The following BRSK2 variants were observed in gnomAD, a reference collection of about 807,000 sequenced individuals.
BRSK2 encodes BR serine/threonine kinase 2.
Under a neutral mutation model 83.3 loss-of-function variants are expected in BRSK2, and 19 were observed. The ratio of observed to expected loss-of-function variants is 0.23; its 90% CI spans 0.16 to 0.33. The LOEUF (loss-of-function observed/expected upper bound fraction) is 0.33. BRSK2 is among the 10% of genes least tolerant of loss of function. The pLI, the probability that BRSK2 is intolerant of heterozygous loss-of-function variation, is 1.00. For synonymous variants in BRSK2, 519 were observed against 435.4 expected (o/e 1.19, Z -2.39); for missense variants, 798 against 1,042.3 (o/e 0.77, Z 3.23).
chr11:1,447,668 C>T (rs1852336062), intron 12 of BRSK2: 1 of 833,024 alleles, frequency 1.2e-6, no homozygotes, highest in South Asian at 1.5e-5. Context: ...AGCCTCCTCT[C>T]TCGCCATCTT....
rs761826470 is a variant in BRSK2, at chr11:1,449,742, G to T, written c.1227-34G>T. ...GCACCTGCTGCTCCACTGCCCCCTG[G>T]CTGAGCAGTGGCCCTGTACCTTGTG... On this transcript the variant is annotated intron_variant, in intron 12 of 19. Transcript: ENST00000528841. 6 of 1,592,614 alleles carry T rather than the reference G, an allele frequency of 3.8e-6. No homozygotes were observed. The Admixed American group carries it at 8.4e-5, about 22-fold the overall frequency.
intron 18 of BRSK2, among the ~76,000 whole-genome samples, chr11:1,457,574 G>C (rs1846760141): frequency 6.6e-6 from 1 of 152,180 alleles, no homozygotes; most frequent in Non-Finnish European, 1.5e-5. Context: ...CAGCAAGGGG[G>C]TGTGGGTGTG....
chr11:1,408,198 A>G (rs1159521948), intron 1 of BRSK2, among the ~76,000 whole-genome samples: 1 of 152,188 alleles, frequency 6.6e-6, no homozygotes. Flanking sequence ...CCTAGAGCCC[A>G]CAGTTCCACT....
chr11:1,428,773 T>C (rs1368928875), intron 1 of BRSK2, among the ~76,000 whole-genome samples: 2 of 152,178 alleles, frequency 1.3e-5, no homozygotes, highest in East Asian at 1.9e-4. Flanking sequence ...CGAGTGTGTG[T>C]GCACTGCGGG....
chr11:1,450,247 A>C (rs1157248944), intron 13 of BRSK2, among the ~76,000 whole-genome samples: 23 of 120,224 alleles, frequency 1.9e-4, no homozygotes, highest in Admixed American at 3.2e-4. Context: ...TCCTGCCCCC[A>C]CCGCCCCCCG....
chr11:1,449,645 A>G (rs1295729890), intron 12 of BRSK2, 131 bp from the exon 13 acceptor site: 1 of 719,552 alleles, frequency 1.4e-6, no homozygotes, highest in Non-Finnish European at 2.3e-6. Flanking sequence ...GTGCAGCAGG[A>G]CCCAGGGCCT....
chr11:1,450,692 C>A lies in BRSK2; in HGVS notation c.1393C>A (p.Pro465Thr), dbSNP rs1454270702. Reference sequence around the variant, plus strand: ...GGCTGGCACGCCCAACCCCACGCCCCCGTCCAGCCCCAGCGTCGGAGGGGT... The same window carrying A: ...GGCTGGCACGCCCAACCCCACGCCCACGTCCAGCCCCAGCGTCGGAGGGGT... Reference protein sequence around the residue: ...SPAGTPNPTPPSSPSVGGVPW... With the variant: ...SPAGTPNPTPTSSPSVGGVPW... The change falls in exon 14 of 20, where the codon CCG becomes ACG. Residue 465 changes from proline to threonine, a missense_variant. By Grantham distance (38) the Pro-to-Thr change is conservative. Transcript: ENST00000528841. The A allele has an allele frequency of 3.7e-6, 6 of 1,608,874 alleles. No homozygotes were observed. The highest frequency in any genetic ancestry group is 5.1e-6 in the Non-Finnish European group (6 of 1,178,608).
At chr11:1,415,440 C>G (rs1482029130) in intron 1 of BRSK2, among the ~76,000 whole-genome samples, 1 of 152,028 alleles carries the variant, frequency 6.6e-6, no homozygotes, top group Non-Finnish European at 1.5e-5. Flanking sequence ...TTTTCTGAGA[C>G]AGGGTCTCAC....
Position 1,454,542 on chromosome 11 carries a change from C to T in BRSK2, c.1602C>T (p.Ile534=). ...TCAGCCTGGAGAAGGAGGAGCAGAT[C>T]TTCGTGGTCATCAAAGACAAACCTC... ...NFISLEKEEQ[I]FVVIKDKPLS... is the part of the protein sequence containing the mutation. The change falls in exon 16 of 20, where the codon ATC becomes ATT. Residue 534 remains isoleucine, a synonymous_variant. Coordinates refer to ENST00000528841, the MANE Select transcript of BRSK2 (RefSeq NM_001256627.2). The surrounding 1 kb of genome is among the most constrained non-coding windows in gnomAD (Gnocchi z 5.2). 6.2e-7 allele frequency: 1 copy of T among 1,613,288 alleles called. No homozygotes were observed.
intron 4 of BRSK2, 125 bp from the exon 5 acceptor site, chr11:1,442,365 G>A: frequency 1.5e-6 from 1 of 675,286 alleles, no homozygotes; most frequent in Middle Eastern, 2.9e-4. Flanking sequence ...AGGCTGGGCT[G>A]CTATTGGCCC....
Position 1,460,562 on chromosome 11 carries a change from C to G in BRSK2, c.2050C>G (p.Gln684Glu). ...KQLFSDEKNG[Q>E]AAQAPSTPAK... ...ACTTTTTTCAGACGAGAAGAACGGG[C>G]AGGCGGCCCAGGCCCCCAGCACGCC... Residue 684 changes from glutamine (Q) to glutamate (E), a missense_variant, in exon 20 of 20, where the codon CAG becomes GAG. Transcript: ENST00000528841. The G allele has an allele frequency of 1.3e-6, 2 of 1,531,370 alleles. No individual in the cohort carries two copies. Among genetic ancestry groups the G allele is most frequent in the Non-Finnish European group, 1.7e-6 (2 of 1,144,850 alleles). The allele number at this position is 1,531,370 out of a possible 1,614,324, so 94.9% of individuals were successfully genotyped here. A position where few individuals can be genotyped will look rare whatever the true frequency, so the allele number is the denominator to read the frequency against.
chr11:1,453,813 G>A (rs1846106504), intron 15 of BRSK2: 1 of 152,322 alleles, frequency 6.6e-6, no homozygotes, highest in Non-Finnish European at 1.5e-5. Context: ...AGCAACGGCA[G>A]GGGACGCCAG....
intron 12 of BRSK2, among the ~76,000 whole-genome samples, chr11:1,449,211 G>A (rs1845496188): frequency 6.6e-6 from 1 of 152,176 alleles, no homozygotes; most frequent in African/African-American, 2.4e-5. Flanking sequence ...TAGGGCAGTG[G>A]TGGGACAAGG....
chr11:1,451,264 T>C (rs1209972137), intron 14 of BRSK2, 107 bp from the exon 15 acceptor site: 7 of 1,302,384 alleles, frequency 5.4e-6, no homozygotes, highest in Admixed American at 1.7e-5. Context: ...TGTCCCAGTG[T>C]GTGTGGGTGG....
chr11:1,458,483 T>C (rs1011275960), intron 18 of BRSK2, among the ~76,000 whole-genome samples: 1 of 151,996 alleles, frequency 6.6e-6, no homozygotes, highest in Non-Finnish European at 1.5e-5. Context: ...CTGGATGCTT[T>C]TGTCCAGTGA....
Position 1,438,490 on chromosome 11 carries a change from CA to C in BRSK2, c.272+100del. Reference sequence around the variant, plus strand: ...CTTGGGGAGCACAGGGGCTGGAGGCCAGGGGCGCCTGCTGCATCCCAGCAGC... The same window carrying C: ...CTTGGGGAGCACAGGGGCTGGAGGCCGGGGCGCCTGCTGCATCCCAGCAGC... On this transcript the variant is annotated intron_variant, in intron 3 of 19. Transcript: ENST00000528841. This position sits in a 1 kb window ranked among gnomAD's most constrained non-coding sequence, Gnocchi z 6.4. The C allele has an allele frequency of 1.8e-6, 2 of 1,104,314 alleles. No homozygotes were observed. Among genetic ancestry groups the C allele is most frequent in the South Asian group, 1.3e-5 (1 of 74,152 alleles). The allele number at this position is 1,104,314 out of a possible 1,614,324, so 68.4% of individuals were successfully genotyped here. A position where few individuals can be genotyped will look rare whatever the true frequency, so the allele number is the denominator to read the frequency against.
intron 12 of BRSK2, among the ~76,000 whole-genome samples, chr11:1,448,274 C>T (rs753020686): frequency 3.3e-5 from 5 of 152,190 alleles, no homozygotes; most frequent in Non-Finnish European, 7.4e-5. Context: ...GAGGCGCCGC[C>T]GTCAAGAGGG....
intron 1 of BRSK2, among the ~76,000 whole-genome samples, chr11:1,392,264 C>T (rs983975285): frequency 2.0e-5 from 3 of 152,220 alleles, no homozygotes; most frequent in Non-Finnish European, 4.4e-5. Context: ...TGCCAGGAGA[C>T]CTCCGTGGGA....
At chr11:1,422,432 G>A (rs1848726942) in intron 1 of BRSK2, among the ~76,000 whole-genome samples, 1 of 152,142 alleles carries the variant, frequency 6.6e-6, no homozygotes, top group Non-Finnish European at 1.5e-5. Context: ...CAGCTTATGG[G>A]GCCGAGGCTG....
Sources: allele counts gnomAD v4.1 joint callset (sites outside exome capture counted in the v4.1 genomes callset), GRCh38; gene constraint gnomAD v4.1.1; non-coding constraint Gnocchi (gnomAD v3.1); transcripts MANE v1.5; gene names NCBI Gene and HGNC (gene_info 2026-07-23, HGNC 2026-07-21).